Variants in CSMD3 observed in about 807,000 individuals in gnomAD.
CSMD3 encodes the protein CUB and Sushi multiple domains 3, also known as CUB and sushi domain-containing protein 3.
In CSMD3, 177 loss-of-function variants were observed where a neutral mutation model predicts 435.2. The observed-to-expected ratio is 0.41, with a 90% CI of 0.36 to 0.46. The LOEUF is 0.46. Among genes scored for constraint, CSMD3 ranks in the 20% least tolerant of loss-of-function variants. The pLI, the probability that CSMD3 is intolerant of heterozygous loss-of-function variation, is 0.34. For synonymous variants in CSMD3, 1,656 were observed against 1,520.5 expected (o/e 1.09, Z -2.07); for missense variants, 4,265 against 4,504.6 (o/e 0.95, Z 1.52).
intron 13 of CSMD3, among the ~76,000 whole-genome samples, chr8:112,776,692 G>T (rs1456828696): frequency 6.6e-6 from 1 of 151,654 alleles, no homozygotes; most frequent in African/African-American, 2.4e-5. Flanking sequence ...CATATTCCTG[G>T]ATGCTAATGA....
intron 12 of CSMD3, among the ~76,000 whole-genome samples, chr8:112,827,983 A>G (rs1564001167): frequency 6.6e-6 from 1 of 152,234 alleles, no homozygotes; most frequent in African/African-American, 2.4e-5. Flanking sequence ...TATTTGACAA[A>G]TAATGATAGG....
chr8:113,034,955 C>T (rs1014247565), intron 5 of CSMD3, among the ~76,000 whole-genome samples: 1 of 151,970 alleles, frequency 6.6e-6, no homozygotes, highest in Non-Finnish European at 1.5e-5. Flanking sequence ...GACAAGTCTA[C>T]AACTACAGTT....
rs929430027 is a variant in CSMD3 at position 112,319,931 on chromosome 8, T to A, written c.7216A>T (p.Ile2406Phe). ...QPPPPVPNAE[I>F]LTEDDEFEIG... ...TCAAATTCATCATCTTCCGTCAAAA[T>A]TTCAGCATTGGGCACAGGTGGTGGA... The change falls in exon 46 of 71, where the codon ATT becomes TTT. Residue 2406 changes from isoleucine to phenylalanine, a missense_variant. Physicochemically the swap from Ile to Phe is conservative, Grantham distance 21. This residue lies in a region of CSMD3 where 3,255 missense variants were observed against 3,380.2 expected (regional missense o/e 0.96). Transcript: ENST00000297405. 1 of 1,612,966 alleles carries A rather than the reference T, an allele frequency of 6.2e-7. No homozygotes were observed.
At chr8:113,403,201 T>G (rs1278713090) in intron 1 of CSMD3, among the ~76,000 whole-genome samples, 1 of 151,378 alleles carries the variant, frequency 6.6e-6, no homozygotes, top group Non-Finnish European at 1.5e-5. Context: ...AATGAAAAAC[T>G]GCTTCATATT....
intron 40 of CSMD3, among the ~76,000 whole-genome samples, chr8:112,349,928 G>GAGAT (rs751596142): frequency 6.6e-6 from 1 of 152,032 alleles, no homozygotes; most frequent in Non-Finnish European, 1.5e-5. Flanking sequence ...ACTGTATTTG[G>GAGAT]AGATAGGGCC....
intron 32 of CSMD3, among the ~76,000 whole-genome samples, chr8:112,456,826 A>G (rs1428164258): frequency 1.3e-5 from 2 of 152,084 alleles, no homozygotes; most frequent in African/African-American, 4.8e-5. Flanking sequence ...GTTTGAACAA[A>G]CATGTCTAGA....
chr8:112,405,214 C>CAATATATATAT (rs1831704106), intron 35 of CSMD3, among the ~76,000 whole-genome samples: 1 of 19,070 alleles, frequency 5.2e-5, no homozygotes, highest in Non-Finnish European at 8.0e-5. Context: ...AAAAAACCCC[C>CAATATATATAT]ATATATATAT....
chr8:112,827,426 C>G (rs1017516855), intron 12 of CSMD3, among the ~76,000 whole-genome samples: 1 of 151,560 alleles, frequency 6.6e-6, no homozygotes, highest in Non-Finnish European at 1.5e-5. Flanking sequence ...AATTGACTAG[C>G]CAGCCTGCCT....
chr8:113,171,840 G>C (rs2092273576), intron 4 of CSMD3, among the ~76,000 whole-genome samples: 1 of 152,130 alleles, frequency 6.6e-6, no homozygotes, highest in South Asian at 2.1e-4. Context: ...CTTCTGTACA[G>C]AAAATAGCCA....
At chr8:112,411,250 C>T (rs544515057) in intron 32 of CSMD3, among the ~76,000 whole-genome samples, 4 of 151,592 alleles carry the variant, frequency 2.6e-5, no homozygotes, top group Admixed American at 6.6e-5. Flanking sequence ...CCATTAACCC[C>T]ACATTTTTGT....
intron 24 of CSMD3, among the ~76,000 whole-genome samples, chr8:112,558,307 A>T (rs970682231): frequency 6.6e-6 from 1 of 151,808 alleles, no homozygotes; most frequent in Non-Finnish European, 1.5e-5. Context: ...GAAAACCCTC[A>T]TTCCATAGGG....
At chr8:112,860,749 T>C (rs754080529) in intron 10 of CSMD3, among the ~76,000 whole-genome samples, 4 of 151,890 alleles carry the variant, frequency 2.6e-5, no homozygotes, top group Non-Finnish European at 5.9e-5. Flanking sequence ...CTCCTGATTA[T>C]TCGCATGTGT....
intron 35 of CSMD3, among the ~76,000 whole-genome samples, chr8:112,395,922 G>A (rs1404792752): frequency 6.6e-6 from 1 of 151,982 alleles, no homozygotes; most frequent in Non-Finnish European, 1.5e-5. Flanking sequence ...GTATTTTATT[G>A]TAATTAAGAA....
At chr8:113,009,540 G>C (rs1002244434) in intron 6 of CSMD3, among the ~76,000 whole-genome samples, 1 of 151,458 alleles carries the variant, frequency 6.6e-6, no homozygotes, top group Admixed American at 6.6e-5. Context: ...CCCTTGTCAC[G>C]TTGAAAAACT....
chr8:113,234,882 T>C (rs572448693), intron 3 of CSMD3, among the ~76,000 whole-genome samples: 32 of 152,114 alleles, frequency 2.1e-4, no homozygotes, highest in Non-Finnish European at 4.1e-4. Context: ...CTGGGTTTTC[T>C]GGGTCTGATT....
At chr8:112,262,826 G>C (rs1458645397) in intron 61 of CSMD3, among the ~76,000 whole-genome samples, 1 of 152,098 alleles carries the variant, frequency 6.6e-6, no homozygotes, top group African/African-American at 2.4e-5. Context: ...AGTCCTATGA[G>C]CATGTAGGGG....
At chr8:113,119,121 C>G (rs1172978210) in intron 4 of CSMD3, among the ~76,000 whole-genome samples, 1 of 152,160 alleles carries the variant, frequency 6.6e-6, no homozygotes, top group Non-Finnish European at 1.5e-5. Flanking sequence ...ACCTCTCACT[C>G]TGCTCCTGAA....
intron 1 of CSMD3, among the ~76,000 whole-genome samples, chr8:113,391,980 T>C (rs1398711582): frequency 6.6e-6 from 1 of 152,036 alleles, no homozygotes; most frequent in Non-Finnish European, 1.5e-5. Flanking sequence ...TTTTCTCATG[T>C]TATCCCCACA....
chr8:112,921,797 A>G (rs1564107248), intron 9 of CSMD3, 46 bp from the exon 10 acceptor site: 5 of 1,474,254 alleles, frequency 3.4e-6, no homozygotes, highest in African/African-American at 1.4e-5. Flanking sequence ...AAGATGCAAC[A>G]TAATAACTAG....
Sources: gnomAD v4.1 joint callset for allele counts (sites outside exome capture counted in the v4.1 genomes callset) on GRCh38, gnomAD v4.1.1 for gene constraint, gnomAD v4.1.1 regional missense constraint, MANE v1.5 for transcripts, NCBI Gene and HGNC (gene_info 2026-07-23, HGNC 2026-07-21) for gene names.